Variants in RAB3GAP2 observed in about 807,000 individuals in gnomAD.
RAB3GAP2 encodes the protein RAB3 GTPase activating non-catalytic protein subunit 2.
A neutral mutation model predicts 185.3 loss-of-function variants in RAB3GAP2; 87 were observed. That is an observed-to-expected ratio of 0.47 (90% confidence interval 0.39 to 0.56). The LOEUF (loss-of-function observed/expected upper bound fraction) is 0.56. RAB3GAP2 is among the 20% of genes least tolerant of loss of function. RAB3GAP2 has a pLI of 0.00. For synonymous variants in RAB3GAP2, 554 were observed against 576.1 expected (o/e 0.96, Z 0.55); for missense variants, 1,492 against 1,638.2 (o/e 0.91, Z 1.54).
intron 24 of RAB3GAP2, among the ~76,000 whole-genome samples, chr1:220,170,017 C>A (rs1011220315): frequency 6.6e-6 from 1 of 152,120 alleles, no homozygotes; most frequent in Non-Finnish European, 1.5e-5. Context: ...TTGGAACCAA[C>A]CCAAATGCCC....
At position 220,172,519 on chromosome 1, in the gene RAB3GAP2, G is replaced by A. The variant is rs367825859; in HGVS notation, c.2416+118C>T. ...TATTAATACATAAAAGAATCTCTAC[G>A]GTGAAATGTTTTGTACACTACAGAC... On this transcript the variant is annotated intron_variant, in intron 22 of 34. Coordinates refer to ENST00000358951, the MANE Select transcript of RAB3GAP2 (RefSeq NM_012414.4). The A allele has an allele frequency of 2.8e-4, 190 of 690,890 alleles. 1 individual carries two copies. Among genetic ancestry groups the A allele is most frequent in the South Asian group, 2.7e-3 (159 of 59,154 alleles). The allele number at this position is 690,890 out of a possible 1,614,324, so 42.8% of individuals were successfully genotyped here. A position where few individuals can be genotyped will look rare whatever the true frequency, so the allele number is the denominator to read the frequency against.
Position 220,151,390 on chromosome 1 carries a change from T to C in RAB3GAP2, c.4043A>G (p.Gln1348Arg). Residue 1348 changes from glutamine to arginine, a missense_variant, in exon 35 of 35, where the codon CAA becomes CGA. Physicochemically the swap from Gln to Arg is conservative, Grantham distance 43. This residue lies in a region of RAB3GAP2 where 387 missense variants were observed against 455.3 expected (regional missense o/e 0.85). Transcript: ENST00000358951. ...WLKAMDPQDLQNTEVPIATTA... is the reference protein window; with the variant it reads ...WLKAMDPQDLRNTEVPIATTA... ...TGTTGCAATTGGCACTTCAGTGTTT[T>C]GAAGGTCCTGGGGGTCCTGCAAATG... 6.2e-7 allele frequency: 1 copy of C among 1,614,218 alleles called. No individual in the cohort carries two copies.
chr1:220,174,738 T>A (rs1658255408), intron 21 of RAB3GAP2, among the ~76,000 whole-genome samples: 1 of 152,228 alleles, frequency 6.6e-6, no homozygotes, highest in Non-Finnish European at 1.5e-5. Context: ...AAGGTTACTA[T>A]GCTCCAAGCC....
chr1:220,197,855 T>C (rs556688838), intron 9 of RAB3GAP2, among the ~76,000 whole-genome samples: 1 of 152,136 alleles, frequency 6.6e-6, no homozygotes, highest in Non-Finnish European at 1.5e-5. Flanking sequence ...GATGTTTTCC[T>C]TCCTATAACT....
intron 21 of RAB3GAP2, among the ~76,000 whole-genome samples, chr1:220,176,952 C>T (rs139711076): frequency 8.5e-5 from 13 of 152,246 alleles, no homozygotes; most frequent in Admixed American, 4.6e-4. Context: ...ACCTGCTGGG[C>T]GACACATAAC....
rs766268638 is a variant in RAB3GAP2, at chr1:220,185,656, C to CT, written c.1864dup (p.Ser622LysfsTer5). The CT allele has an allele frequency of 6.2e-7, 1 of 1,607,100 alleles. No individual in the cohort carries two copies. The highest frequency in any genetic ancestry group is 8.5e-7 in the Non-Finnish European group (1 of 1,174,136). On this transcript the variant is annotated frameshift_variant, in exon 18 of 35. Transcript: ENST00000358951. LOFTEE classifies it high-confidence loss of function. ...ATCAGTACAAACCCTATTACCTTGA[C>CT]TTTTTAAAGTGTCCATTAAAGTCTG...
chr1:220,163,643 T>TGA (rs1471571636), intron 27 of RAB3GAP2, among the ~76,000 whole-genome samples: 6 of 150,866 alleles, frequency 4.0e-5, no homozygotes, highest in African/African-American at 1.5e-4. Flanking sequence ...ATTACAGGTG[T>TGA]GAGCCACTGC....
Position 220,196,314 on chromosome 1 carries a change from G to A in RAB3GAP2, c.896C>T (p.Pro299Leu). Residue 299 changes from proline (P) to leucine (L), a missense_variant, in exon 10 of 35, where the codon CCT becomes CTT. Around this residue, in one of 5 missense-constraint regions of RAB3GAP2, gnomAD observed 243 missense variants for 314.8 expected, o/e 0.77. Transcript: ENST00000358951. ...GFNAAIKNSP[P>L]AMSQYITVGS... The stretch of plus-strand genomic sequence containing the variant: ...TACAGTGATATACTGAGACATGGCA[G>A]GTGGACTATTTTTAATTGCTGCATT... 1 of 1,611,724 alleles carries A rather than the reference G, an allele frequency of 6.2e-7. No individual in the cohort carries two copies. Among genetic ancestry groups the A allele is most frequent in the East Asian group, 2.2e-5 (1 of 44,832 alleles).
chr1:220,229,785 G>C (rs1403377264), intron 2 of RAB3GAP2, among the ~76,000 whole-genome samples: 1 of 152,170 alleles, frequency 6.6e-6, no homozygotes, highest in African/African-American at 2.4e-5. Flanking sequence ...TGTCACACTG[G>C]AACCTCTTCT....
rs187154999 is a variant in RAB3GAP2 at position 220,257,094 on chromosome 1, A to G, written c.115+15129T>C. Among the ~76,000 whole-genome samples, 56 of 152,324 alleles carry G rather than the reference A, an allele frequency of 3.7e-4. No individual in the cohort carries two copies. The East Asian group carries it at 9.1e-3, about 25-fold the overall frequency. ...AATTCAAGATTAAGAAATTCACTCA[A>G]AAGGCTGGGCGTCGTGGCTCATGCC... On this transcript the variant is annotated intron_variant, in intron 1 of 34. Transcript: ENST00000358951.
At chr1:220,175,249 C>T (rs964189263) in intron 21 of RAB3GAP2, among the ~76,000 whole-genome samples, 6 of 151,306 alleles carry the variant, frequency 4.0e-5, no homozygotes, top group African/African-American at 1.2e-4. Flanking sequence ...TTTTTTGAGA[C>T]AGAGTCTCAC....
chr1:220,208,881 T>C (rs1303112906), intron 7 of RAB3GAP2, among the ~76,000 whole-genome samples: 1 of 152,216 alleles, frequency 6.6e-6, no homozygotes, highest in Non-Finnish European at 1.5e-5. Context: ...CATGCCCGGC[T>C]AATTTTTTGT....
intron 1 of RAB3GAP2, chr1:220,254,517 T>G: frequency 6.2e-7 from 1 of 1,613,426 alleles, no homozygotes; most frequent in South Asian, 1.1e-5. Context: ...TGGCTCCTCC[T>G]GAGTACCATC....
At position 220,151,208 on chromosome 1, in the gene RAB3GAP2, C is replaced by T. The variant is rs777390114; in HGVS notation, c.*43G>A. 3 of 1,585,290 alleles carry T rather than the reference C, an allele frequency of 1.9e-6. No homozygotes were observed. In the Admixed American group the frequency reaches 5.0e-5, roughly 26 times the overall value. On this transcript the variant is annotated 3_prime_UTR_variant, in exon 35 of 35. Transcript: ENST00000358951. ...TATGTAAAATAACCATGCACTACTT[C>T]ATGTTATAATCATAATTTTAGACTA... is the stretch of plus-strand genomic sequence containing the variant.
Position 220,151,271 on chromosome 1 carries a change from T to C in RAB3GAP2, c.4162A>G (p.Ile1388Val), listed in dbSNP as rs1259536876. 11 of 1,613,914 alleles carry C rather than the reference T, an allele frequency of 6.8e-6. No homozygotes were observed. The highest frequency in any genetic ancestry group is 8.5e-6 in the Non-Finnish European group (10 of 1,179,982). The change falls in exon 35 of 35, where the codon ATA (isoleucine) becomes GTA (valine). Residue 1388 changes from isoleucine (I) to valine (V), a missense_variant. Transcript: ENST00000358951. ...AAGTGTCATAAAGAAGGAAGAGATA[T>C]GGCTTCCACAGCTTCAATGAGGTGT... ...ALHLIEAVEA[I>V]SLPSL
At chr1:220,234,012 C>T (rs1659549312) in intron 1 of RAB3GAP2, among the ~76,000 whole-genome samples, 1 of 152,200 alleles carries the variant, frequency 6.6e-6, no homozygotes, top group African/African-American at 2.4e-5. Context: ...TGAGGTAATA[C>T]ATATAAAGTA....
chr1:220,228,078 C>T (rs903577327), intron 2 of RAB3GAP2, among the ~76,000 whole-genome samples: 6 of 152,116 alleles, frequency 3.9e-5, no homozygotes, highest in Admixed American at 1.3e-4. Context: ...ATAATTATAA[C>T]GCCTTGACAC....
intron 2 of RAB3GAP2, among the ~76,000 whole-genome samples, chr1:220,222,638 ACT>A (rs1330282084): frequency 1.3e-5 from 2 of 152,084 alleles, no homozygotes; most frequent in African/African-American, 4.8e-5. Context: ...TAACTCAGTA[ACT>A]CTTATTTACT....
intron 2 of RAB3GAP2, among the ~76,000 whole-genome samples, chr1:220,232,304 G>A (rs1228550380): frequency 6.6e-6 from 1 of 152,228 alleles, no homozygotes; most frequent in African/African-American, 2.4e-5. Flanking sequence ...CTAATGAGAG[G>A]TAATTAGGTC....
Sources: allele counts gnomAD v4.1 joint callset (sites outside exome capture counted in the v4.1 genomes callset), GRCh38; gene constraint gnomAD v4.1.1; regional missense constraint gnomAD v4.1.1; transcripts MANE v1.5; gene names NCBI Gene and HGNC (gene_info 2026-07-23, HGNC 2026-07-21).